The following AZIN1 variants were observed in gnomAD, a reference collection of about 807,000 sequenced individuals.
AZIN1 encodes ornithine decarboxylase antizyme inhibitor.
Under a neutral mutation model 47.4 loss-of-function variants are expected in AZIN1, and 12 were observed. That is an observed-to-expected ratio of 0.25 (90% CI 0.16 to 0.41). The LOEUF is 0.41. AZIN1 is among the 10% of genes least tolerant of loss of function. The pLI is 1.00. For synonymous variants in AZIN1, 155 were observed against 176.3 expected (o/e 0.88, Z 0.96); for missense variants, 410 against 532.4 (o/e 0.77, Z 2.26).
intron 5 of AZIN1, among the ~76,000 whole-genome samples, chr8:102,837,833 C>A (rs1811917902): frequency 6.6e-6 from 1 of 152,206 alleles, no homozygotes; most frequent in Admixed American, 6.5e-5. Context: ...AAAAAGTAAG[C>A]CAACAACTGC....
Position 102,839,713 on chromosome 8 carries a change from G to A in AZIN1, c.213C>T (p.Asn71=). ...QIKPFYTVKC[N]SAPAVLEILA... ...AAATCTCAAGTACAGCTGGAGCAGA[G>A]TTGCACTTCACTGTGTAGAATGGCT... Residue 71 remains asparagine (N), a synonymous_variant, in exon 4 of 12, where the codon AAC becomes AAT. Transcript: ENST00000337198. 1.2e-6 allele frequency: 2 copies of A among 1,607,834 alleles called. No individual in the cohort carries two copies. The highest frequency in any genetic ancestry group is 1.7e-6 in the Non-Finnish European group (2 of 1,176,444).
At chr8:102,834,344 A>AG in intron 7 of AZIN1, 81 bp from the exon 8 acceptor site, 1 of 1,162,374 alleles carries the variant, frequency 8.6e-7, no homozygotes, top group Non-Finnish European at 1.3e-6. Context: ...CCTCCTAGGG[A>AG]GGTAAATATC....
At chr8:102,862,270 A>G (rs1163523281) in intron 1 of AZIN1, among the ~76,000 whole-genome samples, 1 of 152,218 alleles carries the variant, frequency 6.6e-6, no homozygotes, top group East Asian at 1.9e-4. Context: ...GCTCTATTTA[A>G]TATGCACATA....
At chr8:102,835,855 A>T (rs1811788630) in intron 6 of AZIN1, among the ~76,000 whole-genome samples, 1 of 152,200 alleles carries the variant, frequency 6.6e-6, no homozygotes, top group Admixed American at 6.5e-5. Flanking sequence ...TAAAATTAAA[A>T]GGCTAAAGCA....
At chr8:102,844,392 TGA>T (rs1467241208) in intron 2 of AZIN1, among the ~76,000 whole-genome samples, 3 of 149,554 alleles carry the variant, frequency 2.0e-5, no homozygotes, top group African/African-American at 7.4e-5. Context: ...TAAAAATGGG[TGA>T]GAGTGGAGGG....
In AZIN1 at chr8:102,827,908, G is replaced by C. The variant is rs1043151005; in HGVS notation, c.*659C>G. ...AAACAAAACTTAACTGGGCTATAAA[G>C]AAAAAAACCCTTCAAAACAGTCCAT... On this transcript the variant is annotated 3_prime_UTR_variant, in exon 12 of 12. Transcript: ENST00000337198. 2 of 152,174 alleles carry C rather than the reference G, an allele frequency of 1.3e-5. No individual in the cohort carries two copies. Among genetic ancestry groups the C allele is most frequent in the African/African-American group, 4.8e-5 (2 of 41,322 alleles). The allele number at this position is 152,174 out of a possible 1,614,324, so 9.4% of individuals were successfully genotyped here.
At chr8:102,829,194 T>C in intron 11 of AZIN1, 78 bp downstream of exon 11, 1 of 1,241,172 alleles carries the variant, frequency 8.1e-7, no homozygotes, top group Non-Finnish European at 1.1e-6. Context: ...TTAGCATTCA[T>C]TACAGAATTA....
chr8:102,858,862 A>G (rs571870366), intron 1 of AZIN1, among the ~76,000 whole-genome samples: 2 of 152,348 alleles, frequency 1.3e-5, no homozygotes, highest in South Asian at 2.1e-4. Context: ...ACTATACAAC[A>G]TGGTAGGTGA....
At chr8:102,848,486 GTC>G (rs1319976708) in intron 2 of AZIN1, among the ~76,000 whole-genome samples, 1 of 152,098 alleles carries the variant, frequency 6.6e-6, no homozygotes, top group East Asian at 1.9e-4. Context: ...CTATCCTCCT[GTC>G]TCTGCCTCTC....
chr8:102,830,918 A>T (rs12545536), intron 9 of AZIN1, among the ~76,000 whole-genome samples: 3 of 152,224 alleles, frequency 2.0e-5, no homozygotes, highest in African/African-American at 7.2e-5. Context: ...ATCACAGGTC[A>T]CCGCAGCCTC....
chr8:102,834,936 G>T (rs1811722482), intron 6 of AZIN1, 189 bp from the exon 7 acceptor site: 3 of 516,066 alleles, frequency 5.8e-6, no homozygotes, highest in African/African-American at 5.8e-5. Flanking sequence ...TATAGAAAAG[G>T]CAATGCCAAG....
At chr8:102,834,297 C>T (rs751851094) in intron 7 of AZIN1, 34 bp from the exon 8 acceptor site, 14 of 1,563,152 alleles carry the variant, frequency 9.0e-6, no homozygotes, top group Admixed American at 5.0e-5. Flanking sequence ...AAATGTTTTT[C>T]CAAATTGTAA....
chr8:102,837,787 G>C (rs371282481), intron 5 of AZIN1, among the ~76,000 whole-genome samples: 61 of 152,174 alleles, frequency 4.0e-4, no homozygotes, highest in Admixed American at 1.2e-3. Context: ...AGAAAATACA[G>C]ATAGAATTCA....
At position 102,843,779 on chromosome 8, in the gene AZIN1, A is replaced by G. The variant is rs1812377381; in HGVS notation, c.-95-32T>C. 14 of 1,381,638 alleles carry G rather than the reference A, an allele frequency of 1.0e-5. No homozygotes were observed. In the South Asian group the frequency reaches 2.1e-4, roughly 21 times the overall value. The allele number at this position is 1,381,638 out of a possible 1,614,324, so 85.6% of individuals were successfully genotyped here. ...AAATATAAGTTATATAAAAGTCTGT[A>G]TTATTTCAATAGACATAATGTACGA... On this transcript the variant is annotated intron_variant, in intron 2 of 11. Transcript: ENST00000337198.
In AZIN1 at chr8:102,829,698, A is replaced by G. The variant is rs1811313519; in HGVS notation, c.1020+123T>C. Reference sequence around the variant, plus strand: ...AAGGGACTCCACCAGAAGAACGCAAATCCTCAAAAAGGACATTTTTCCCCA... The same window carrying G: ...AAGGGACTCCACCAGAAGAACGCAAGTCCTCAAAAAGGACATTTTTCCCCA... On this transcript the variant is annotated intron_variant, in intron 10 of 11. Coordinates refer to ENST00000337198, the MANE Select transcript of AZIN1 (RefSeq NM_148174.4). 4.6e-6 allele frequency: 4 copies of G among 876,478 alleles called. No homozygotes were observed. In the Admixed American group the frequency reaches 1.0e-4, roughly 23 times the overall value. The allele number at this position is 876,478 out of a possible 1,614,324, so 54.3% of individuals were successfully genotyped here.
At chr8:102,856,672 T>C (rs968359898) in intron 2 of AZIN1, among the ~76,000 whole-genome samples, 33 of 152,248 alleles carry the variant, frequency 2.2e-4, no homozygotes, top group African/African-American at 6.3e-4. Context: ...TTCACAACTA[T>C]GATGTTAACT....
chr8:102,858,635 T>G (rs1315515267), intron 1 of AZIN1, among the ~76,000 whole-genome samples: 1 of 151,024 alleles, frequency 6.6e-6, no homozygotes, highest in African/African-American at 2.5e-5. Flanking sequence ...ACATTTTAAA[T>G]GTAAAAATCC....
At chr8:102,839,223 C>T (rs1200636752) in intron 4 of AZIN1, among the ~76,000 whole-genome samples, 1 of 152,090 alleles carries the variant, frequency 6.6e-6, no homozygotes, top group Non-Finnish European at 1.5e-5. Flanking sequence ...CACTATGTTG[C>T]CCAGGCTGAT....
intron 11 of AZIN1, among the ~76,000 whole-genome samples, chr8:102,829,012 A>C (rs1285655749): frequency 6.6e-6 from 1 of 152,216 alleles, no homozygotes; most frequent in Non-Finnish European, 1.5e-5. Flanking sequence ...CAACAGTATT[A>C]AACAGAGTAA....
Sources: gnomAD v4.1 joint callset for allele counts (sites outside exome capture counted in the v4.1 genomes callset) on GRCh38, gnomAD v4.1.1 for gene constraint, MANE v1.5 for transcripts, NCBI Gene and HGNC (gene_info 2026-07-23, HGNC 2026-07-21) for gene names.